The following ACYP2 variants were observed in gnomAD, a reference collection of about 807,000 sequenced individuals.
ACYP2 encodes acylphosphatase-2.
In ACYP2, 12 loss-of-function variants were observed where a neutral mutation model predicts 11.2. The observed-to-expected ratio is 1.08, with a 90% CI of 0.69 to 1.74. The LOEUF (loss-of-function observed/expected upper bound fraction) is 1.74, where lower values mean the gene tolerates loss of function less well. ACYP2 is among the 40% of genes most tolerant of loss of function. ACYP2 has a pLI of 0.00. For missense variants in ACYP2, 134 were observed against 101.9 expected (o/e 1.31, Z -1.35); for synonymous variants, 43 against 32.2 (o/e 1.33, Z -1.13).
At chr2:54,199,322 G>A (rs1000261242) in intron 6 of ACYP2, among the ~76,000 whole-genome samples, 3 of 152,164 alleles carry the variant, frequency 2.0e-5, no homozygotes, top group Admixed American at 1.3e-4. Flanking sequence ...AGACACACAT[G>A]GCACCTGTCT....
intron 2 of ACYP2, among the ~76,000 whole-genome samples, chr2:53,974,720 T>A (rs1671381408): frequency 6.6e-6 from 1 of 152,212 alleles, no homozygotes; most frequent in Non-Finnish European, 1.5e-5. Context: ...AGATAATGTT[T>A]TTTATGTTGC....
chr2:54,300,190 C>T (rs1459556113), intron 6 of ACYP2, among the ~76,000 whole-genome samples: 1 of 152,190 alleles, frequency 6.6e-6, no homozygotes, highest in Non-Finnish European at 1.5e-5. Flanking sequence ...GATCCTGTTT[C>T]TTCTGACAGC....
chr2:54,294,892 G>C (rs1244788405), intron 6 of ACYP2, among the ~76,000 whole-genome samples: 2 of 150,320 alleles, frequency 1.3e-5, no homozygotes, highest in East Asian at 3.9e-4. Context: ...TTTCAGCCTG[G>C]GTGACAGAGT....
chr2:54,185,517 A>G (rs1683943070), intron 6 of ACYP2, among the ~76,000 whole-genome samples: 1 of 152,096 alleles, frequency 6.6e-6, no homozygotes, highest in African/African-American at 2.4e-5. Context: ...TTGGTTATTT[A>G]CCGCCTAAAG....
At chr2:54,284,584 AC>A (rs1688997983) in intron 6 of ACYP2, among the ~76,000 whole-genome samples, 1 of 148,002 alleles carries the variant, frequency 6.8e-6, no homozygotes, top group African/African-American at 2.5e-5. Flanking sequence ...TCACATCATC[AC>A]CTTTTTTTTT....
intron 6 of ACYP2, among the ~76,000 whole-genome samples, chr2:54,275,319 G>T (rs995982708): frequency 1.3e-5 from 2 of 152,144 alleles, no homozygotes; most frequent in Non-Finnish European, 2.9e-5. Flanking sequence ...TGACTATTTA[G>T]GTCTCGTTAT....
chr2:54,275,096 A>G (rs1411708187), intron 6 of ACYP2, among the ~76,000 whole-genome samples: 1 of 152,224 alleles, frequency 6.6e-6, no homozygotes, highest in Non-Finnish European at 1.5e-5. Context: ...CCTTGCCTCA[A>G]TAACTTTGGT....
At chr2:54,162,308 A>C (rs534054609) in intron 6 of ACYP2, among the ~76,000 whole-genome samples, 1 of 152,230 alleles carries the variant, frequency 6.6e-6, no homozygotes, top group African/African-American at 2.4e-5. Context: ...TTTTTACCCC[A>C]CTGTGTACAA....
chr2:54,168,894 T>C (rs1310939189), intron 6 of ACYP2, among the ~76,000 whole-genome samples: 1 of 152,200 alleles, frequency 6.6e-6, no homozygotes, highest in African/African-American at 2.4e-5. Context: ...TTTTAGTGCA[T>C]GCTTTCACTT....
intron 2 of ACYP2, among the ~76,000 whole-genome samples, chr2:54,021,549 G>T (rs1158298110): frequency 1.3e-5 from 2 of 152,250 alleles, no homozygotes; most frequent in East Asian, 3.9e-4. Flanking sequence ...AAAATAAAAT[G>T]TGCATGTATT....
chr2:54,102,708 T>C (rs1006851437), intron 4 of ACYP2, among the ~76,000 whole-genome samples: 11 of 145,522 alleles, frequency 7.6e-5, no homozygotes, highest in Admixed American at 4.3e-4. Context: ...AGAAGTCTAG[T>C]TGAGAGTTCT....
intron 6 of ACYP2, among the ~76,000 whole-genome samples, chr2:54,232,551 G>C (rs772491064): frequency 6.6e-6 from 1 of 152,156 alleles, no homozygotes; most frequent in African/African-American, 2.4e-5. Flanking sequence ...GTACAGGAAG[G>C]CCGTCTTGCC....
At chr2:54,159,859 G>A (rs1359269777) in intron 6 of ACYP2, among the ~76,000 whole-genome samples, 1 of 152,138 alleles carries the variant, frequency 6.6e-6, no homozygotes, top group Non-Finnish European at 1.5e-5. Flanking sequence ...CCTCCCTGAG[G>A]ACTTTTGCAG....
intron 6 of ACYP2, among the ~76,000 whole-genome samples, chr2:54,145,318 T>C (rs1681833151): frequency 6.6e-6 from 1 of 152,236 alleles, no homozygotes; most frequent in South Asian, 2.1e-4. Context: ...TAAATTAGGA[T>C]GCTTTAGGCT....
At chr2:54,282,772 G>A (rs1217810900) in intron 6 of ACYP2, among the ~76,000 whole-genome samples, 2 of 151,956 alleles carry the variant, frequency 1.3e-5, no homozygotes, top group Non-Finnish European at 1.5e-5. Flanking sequence ...AGAGCTGTGT[G>A]ACTTATAATT....
At chr2:54,190,873 C>G (rs1684210693) in intron 6 of ACYP2, among the ~76,000 whole-genome samples, 1 of 152,178 alleles carries the variant, frequency 6.6e-6, no homozygotes. Context: ...ATTCCTTACC[C>G]AGTACTCCCT....
chr2:54,116,666 C>T (rs546806919), intron 4 of ACYP2, among the ~76,000 whole-genome samples: 55 of 152,188 alleles, frequency 3.6e-4, no homozygotes, highest in Non-Finnish European at 5.6e-4. Context: ...GAAGAACTAG[C>T]GCTCAAAGAA....
At chr2:54,158,734 A>G (rs922919965) in intron 6 of ACYP2, among the ~76,000 whole-genome samples, 3 of 152,170 alleles carry the variant, frequency 2.0e-5, no homozygotes, top group Admixed American at 6.5e-5. Context: ...TACTGAGTAA[A>G]CTAAGGCCTC....
intron 6 of ACYP2, among the ~76,000 whole-genome samples, chr2:54,144,595 A>G (rs780057355): frequency 6.7e-6 from 1 of 149,644 alleles, no homozygotes; most frequent in Non-Finnish European, 1.5e-5. Flanking sequence ...AATCGCTTGA[A>G]CCCAGGAGCC....
Sources: gnomAD v4.1 joint callset for allele counts (sites outside exome capture counted in the v4.1 genomes callset) on GRCh38, gnomAD v4.1.1 for gene constraint, MANE v1.5 for transcripts, NCBI Gene and HGNC (gene_info 2026-07-23, HGNC 2026-07-21) for gene names.